KIAA1217: variants seen among roughly 807,000 people sequenced by gnomAD.
KIAA1217 encodes sickle tail protein homolog.
In KIAA1217, 88 loss-of-function variants were observed where a neutral mutation model predicts 163.9. That is an observed-to-expected ratio of 0.54 (90% CI 0.45 to 0.64). The LOEUF (loss-of-function observed/expected upper bound fraction) is 0.64, where lower values mean the gene tolerates loss of function less well. Among genes scored for constraint, KIAA1217 ranks in the 30% least tolerant of loss-of-function variants. KIAA1217 has a pLI of 0.00. For synonymous variants in KIAA1217, 903 were observed against 923.1 expected, an observed-to-expected ratio of 0.98 and a Z score of 0.39; for missense variants, 2,372 against 2,475.0, an observed-to-expected ratio of 0.96 and a Z score of 0.88.
chr10:24,434,021 CTCTCTTTTTTTTTT>C (rs1170889979), intron 4 of KIAA1217, among the ~76,000 whole-genome samples: 1 of 122,338 alleles, frequency 8.2e-6, no homozygotes, highest in Non-Finnish European at 1.7e-5. Context: ...CTCTCTCTCT[CTCTCTTTTTTTTTT>C]TTTTTTTTTT....
intron 2 of KIAA1217, among the ~76,000 whole-genome samples, chr10:24,245,247 G>C (rs1192454576): frequency 6.6e-6 from 1 of 152,316 alleles, no homozygotes; most frequent in Non-Finnish European, 1.5e-5. Context: ...AGTTTCACTA[G>C]ATTTAGTAAA....
intron 1 of KIAA1217, among the ~76,000 whole-genome samples, chr10:23,984,146 A>G (rs1186387382): frequency 6.6e-6 from 1 of 152,184 alleles, no homozygotes; most frequent in Non-Finnish European, 1.5e-5. Flanking sequence ...AGCAGCTCCC[A>G]CCACACTGTT....
At chr10:24,525,633 T>C (rs2072026681) in intron 13 of KIAA1217, among the ~76,000 whole-genome samples, 1 of 152,158 alleles carries the variant, frequency 6.6e-6, no homozygotes. Context: ...GAAATTACTA[T>C]AGTCATCTAA....
Position 23,734,961 on chromosome 10 carries a change from G to A in KIAA1217, c.-321+39727G>A, listed in dbSNP as rs570964369. 1.2e-3 allele frequency among the ~76,000 whole-genome samples: 187 copies of A among 151,708 alleles called. 1 individual carries two copies. The highest frequency in any genetic ancestry group is 2.3e-3 in the Non-Finnish European group (153 of 67,928). ...CCTGATTCTCTCCCTCCTCCCACCCGCCACCCTTTCCTTCCATAAGCCCCA... is the reference window on the plus strand; with the variant it reads ...CCTGATTCTCTCCCTCCTCCCACCCACCACCCTTTCCTTCCATAAGCCCCA... On this transcript the variant is annotated intron_variant, in intron 1 of 18. Coordinates refer to the KIAA1217 transcript ENST00000376462.
chr10:23,761,022 G>C (rs1045493973), intron 1 of KIAA1217, among the ~76,000 whole-genome samples: 3 of 152,086 alleles, frequency 2.0e-5, no homozygotes, highest in Non-Finnish European at 4.4e-5. Flanking sequence ...GGATGAGGTG[G>C]GAGGATCACT....
intron 2 of KIAA1217, among the ~76,000 whole-genome samples, chr10:24,196,488 C>T (rs1268057524): frequency 6.6e-6 from 1 of 152,202 alleles, no homozygotes; most frequent in East Asian, 1.9e-4. Flanking sequence ...ATTCCTGATT[C>T]TTGCTGTACC....
intron 2 of KIAA1217, among the ~76,000 whole-genome samples, chr10:24,082,090 A>G (rs994702695): frequency 3.9e-5 from 6 of 152,088 alleles, no homozygotes; most frequent in Admixed American, 1.3e-4. Flanking sequence ...GCTGAAGGTG[A>G]TAGTGCTTTG....
In KIAA1217 at chr10:24,370,264, C is replaced by CAAAAAAAAAA. The variant is rs5783891; in HGVS notation, c.355-10593_355-10584dup. On this transcript the variant is annotated intron_variant, in intron 2 of 20. Coordinates refer to ENST00000376454, the MANE Select transcript of KIAA1217 (RefSeq NM_019590.5). The stretch of plus-strand genomic sequence containing the variant: ...TGGGCAACAGAGCGAGACTCTGTCT[C>CAAAAAAAAAA]AAAAAAAAAAAAAAAAAAAAAGACA... Among the ~76,000 whole-genome samples the CAAAAAAAAAA allele has an allele frequency of 2.7e-3, 198 of 73,414 alleles. 2 individuals carry two copies. In the East Asian group the frequency reaches 0.036, roughly 14 times the overall value. The allele number at this position is 73,414 out of a possible 152,430, so 48.2% of individuals were successfully genotyped here. A position where few individuals can be genotyped will look rare whatever the true frequency, so the allele number is the denominator to read the frequency against.
At chr10:24,345,774 A>G (rs141991048) in intron 2 of KIAA1217, among the ~76,000 whole-genome samples, 22 of 152,106 alleles carry the variant, frequency 1.4e-4, no homozygotes, top group African/African-American at 5.1e-4. Flanking sequence ...CATTTTATTC[A>G]TTTGACTATC....
At chr10:24,500,730 T>A (rs529271719) in intron 8 of KIAA1217, among the ~76,000 whole-genome samples, 17 of 152,276 alleles carry the variant, frequency 1.1e-4, no homozygotes, top group Admixed American at 9.8e-4. Flanking sequence ...GGTCTCAGAA[T>A]TTTAAAATTA....
chr10:24,479,992 G>C (rs964501280), intron 6 of KIAA1217, among the ~76,000 whole-genome samples: 8 of 152,170 alleles, frequency 5.3e-5, no homozygotes, highest in Non-Finnish European at 7.3e-5. Flanking sequence ...GCACTGCCAC[G>C]TGGGGGATCA....
Position 24,468,104 on chromosome 10 carries a change from A to T in KIAA1217, c.847-5124A>T, listed in dbSNP as rs916932710. On this transcript the variant is annotated intron_variant, in intron 5 of 20. Coordinates refer to ENST00000376454, the MANE Select transcript of KIAA1217 (RefSeq NM_019590.5). ...CTTAACCATCATGCTGCTTCCATCT[A>T]TCAGATTCTGGAGTCTCTAAATTCT... 5.9e-5 allele frequency among the ~76,000 whole-genome samples: 9 copies of T among 152,304 alleles called. 1 individual carries two copies. The highest frequency in any genetic ancestry group is 2.0e-4 in the Admixed American group (3 of 15,304).
intron 6 of KIAA1217, among the ~76,000 whole-genome samples, chr10:24,480,774 C>T (rs946953686): frequency 3.3e-5 from 5 of 152,104 alleles, no homozygotes; most frequent in South Asian, 2.1e-4. Flanking sequence ...TCAGAAAACA[C>T]GTAAGGTGAG....
rs910889376 is a variant in KIAA1217, at chr10:24,542,995, A to T, written c.3725A>T (p.Lys1242Met). 2 of 1,613,922 alleles carry T rather than the reference A, an allele frequency of 1.2e-6. No individual in the cohort carries two copies. The highest frequency in any genetic ancestry group is 2.7e-5 in the African/African-American group (2 of 74,918). The change falls in exon 19 of 21, where the codon AAG becomes ATG. Residue 1242 changes from lysine (K) to methionine (M), a missense_variant. By Grantham distance (95) the Lys-to-Met change is moderately conservative. Transcript: ENST00000376454. ...TSEYKTEIIM[K>M]ENSISNMSLL... Reference sequence around the variant, plus strand: ...GAATATAAAACTGAGATCATAATGAAGGAAAATTCCATATCCAATATGAGT... The same window carrying T: ...GAATATAAAACTGAGATCATAATGATGGAAAATTCCATATCCAATATGAGT...
chr10:24,434,025 CTTTTTTTTTT>C lies in KIAA1217; in HGVS notation c.752+852_752+861del, dbSNP rs569791889. 7.8e-4 allele frequency among the ~76,000 whole-genome samples: 57 copies of C among 72,640 alleles called. 1 individual carries two copies. Among genetic ancestry groups the C allele is most frequent in the Non-Finnish European group, 1.0e-3 (43 of 43,078 alleles). The allele number at this position is 72,640 out of a possible 152,430, so 47.7% of individuals were successfully genotyped here. On this transcript the variant is annotated intron_variant, in intron 4 of 20. Coordinates refer to ENST00000376454, the MANE Select transcript of KIAA1217 (RefSeq NM_019590.5). ...TCTCTCTCCCTCTCTCTCTCTCTCT[CTTTTTTTTTT>C]TTTTTTTTTTTTTTTTTTTATGAGA...
intron 5 of KIAA1217, among the ~76,000 whole-genome samples, chr10:24,468,753 A>G (rs2063198173): frequency 6.6e-6 from 1 of 152,190 alleles, no homozygotes; most frequent in Non-Finnish European, 1.5e-5. Flanking sequence ...CATACTGGAT[A>G]TTAGCTGTAA....
At chr10:24,362,001 A>AAG (rs2050101802) in intron 2 of KIAA1217, among the ~76,000 whole-genome samples, 1 of 124,776 alleles carries the variant, frequency 8.0e-6, no homozygotes, top group African/African-American at 2.8e-5. Flanking sequence ...AAAAAAAAAA[A>AAG]AAAGAAAGAA....
chr10:24,301,371 T>G (rs1481418407), intron 2 of KIAA1217, among the ~76,000 whole-genome samples: 2 of 152,238 alleles, frequency 1.3e-5, no homozygotes, highest in Non-Finnish European at 2.9e-5. Context: ...ATAAACTTTT[T>G]CTTCTCTTTT....
intron 2 of KIAA1217, among the ~76,000 whole-genome samples, chr10:24,101,084 A>G (rs552107578): frequency 6.6e-6 from 1 of 152,382 alleles, no homozygotes; most frequent in South Asian, 2.1e-4. Flanking sequence ...AACAAAAAAC[A>G]GTATTCCACG....
Sources: allele counts gnomAD v4.1 joint callset (sites outside exome capture counted in the v4.1 genomes callset), GRCh38; gene constraint gnomAD v4.1.1; transcripts MANE v1.5; gene names NCBI Gene and HGNC (gene_info 2026-07-23, HGNC 2026-07-21).